TGIF2: variants seen among roughly 807,000 people sequenced by gnomAD.
The protein encoded by TGIF2 is TGFB induced factor homeobox 2.
A neutral mutation model predicts 15.1 loss-of-function variants in TGIF2; 5 were observed. The ratio of observed to expected loss-of-function variants is 0.33; its 90% CI spans 0.17 to 0.70. The LOEUF (loss-of-function observed/expected upper bound fraction) is 0.70. Ranked by LOEUF, TGIF2 falls within the 30% of genes least tolerant of loss-of-function variation. The pLI, the probability that TGIF2 is intolerant of heterozygous loss-of-function variation, is 0.67. For synonymous variants in TGIF2, 131 were observed against 128.9 expected, an observed-to-expected ratio of 1.02 and a Z score of -0.11; for missense variants, 264 against 302.5, an observed-to-expected ratio of 0.87 and a Z score of 0.94.
At chr20:36,577,524 GT>G (rs573112103) in intron 1 of TGIF2, among the ~76,000 whole-genome samples, 83 of 132,470 alleles carry the variant, frequency 6.3e-4, no homozygotes, top group South Asian at 2.7e-3. Context: ...GTTTGTTTTT[GT>G]TTTTTTTTTT....
At position 36,578,794 on chromosome 20, in the gene TGIF2, G is replaced by A. The variant is rs1285317539; in HGVS notation, c.20G>A (p.Gly7Asp). Reference protein sequence around the residue: MSDSDLGEDEGLLSLAG... With the variant: MSDSDLDEDEGLLSLAG... ...GGCACCATGTCGGACAGTGATCTAG[G>A]TGAGGACGAAGGCCTCCTCTCCCTG... is the stretch of plus-strand genomic sequence containing the variant. Residue 7 changes from glycine to aspartate, a missense_variant, in exon 2 of 3, where the codon GGT (glycine) becomes GAT (aspartate). By Grantham distance (94) the Gly-to-Asp change is moderately conservative. Transcript: ENST00000373872. The A allele has an allele frequency of 6.2e-7, 1 of 1,613,380 alleles. No homozygotes were observed. The highest frequency in any genetic ancestry group is 2.2e-5 in the East Asian group (1 of 44,886).
intron 2 of TGIF2, among the ~76,000 whole-genome samples, chr20:36,586,199 G>GT (rs1409315919): frequency 1.3e-5 from 2 of 152,200 alleles, no homozygotes; most frequent in Non-Finnish European, 2.9e-5. Flanking sequence ...CTGTGTGTAT[G>GT]TTTTTTGAAC....
intron 2 of TGIF2, among the ~76,000 whole-genome samples, chr20:36,586,031 C>T (rs942291249): frequency 2.0e-5 from 3 of 152,152 alleles, no homozygotes; most frequent in Admixed American, 6.6e-5. Flanking sequence ...GAACCTGGTG[C>T]AGAGGCTGTA....
At position 36,593,475 on chromosome 20, in the gene TGIF2, T is replaced by C. The variant is rs2038801264; in HGVS notation, c.*2044T>C. 1 of 152,524 alleles carries C rather than the reference T, an allele frequency of 6.6e-6. No individual in the cohort carries two copies. The highest frequency in any genetic ancestry group is 2.1e-4 in the South Asian group (1 of 4,834). 9.4% of individuals were successfully genotyped at this position (152,524 alleles called of 1,614,324 possible). ...CTGGGCTCTCTGTGTTGCCTCCCTC[T>C]GGCTTCTTCCTCCCGTGCCCTCTCC... On this transcript the variant is annotated 3_prime_UTR_variant, in exon 3 of 3. Coordinates refer to ENST00000373872, the MANE Select transcript of TGIF2 (RefSeq NM_021809.7).
rs553419308 is a variant in TGIF2 at position 36,582,433 on chromosome 20, A to G, written c.192+3467A>G. Among the ~76,000 whole-genome samples the G allele has an allele frequency of 8.7e-4, 132 of 152,254 alleles. 1 individual carries two copies. The highest frequency in any genetic ancestry group is 3.0e-3 in the African/African-American group (123 of 41,542). On this transcript the variant is annotated intron_variant, in intron 2 of 2. Transcript: ENST00000373872. ...GTTTCCAAAGTAGATAAATGTAAAA[A>G]CCGTGACATTCCACCTGACTGTGTT...
rs780482879 is a variant in TGIF2 at position 36,591,506 on chromosome 20, G to A, written c.*75G>A. ...CCGTTTTGGTTCCCTTTCATACAGA[G>A]GGTTTTCTATGGATCACTGCCAAAC... On this transcript the variant is annotated 3_prime_UTR_variant, in exon 3 of 3. Coordinates refer to ENST00000373872, the MANE Select transcript of TGIF2 (RefSeq NM_021809.7). This position sits in a 1 kb window ranked among gnomAD's most constrained non-coding sequence, Gnocchi z 5.3. 1 of 1,472,154 alleles carries A rather than the reference G, an allele frequency of 6.8e-7. No individual in the cohort carries two copies. The highest frequency in any genetic ancestry group is 1.4e-5 in the African/African-American group (1 of 70,688). 91.2% of individuals were successfully genotyped at this position (1,472,154 alleles called of 1,614,324 possible).
intron 2 of TGIF2, among the ~76,000 whole-genome samples, chr20:36,585,745 C>T (rs567633290): frequency 2.0e-5 from 3 of 152,246 alleles, no homozygotes; most frequent in South Asian, 2.1e-4. Flanking sequence ...CAGGTCCCTT[C>T]GACATCCTCT....
rs557230375 is a variant in TGIF2 at position 36,589,524 on chromosome 20, C to G, written c.193-1386C>G. ...TCTCCTGCCTCAGCCCCCCAAGTAG[C>G]TGGGACTACAGGCGCGTGCCACCAC... On this transcript the variant is annotated intron_variant, in intron 2 of 2. Transcript: ENST00000373872. Among the ~76,000 whole-genome samples, 375 of 151,662 alleles carry G rather than the reference C, an allele frequency of 2.5e-3. 1 individual carries two copies. Among genetic ancestry groups the G allele is most frequent in the African/African-American group, 8.7e-3 (359 of 41,290 alleles).
chr20:36,578,843 G>C lies in TGIF2; in HGVS notation c.69G>C (p.Gly23=). The C allele has an allele frequency of 6.2e-7, 1 of 1,614,194 alleles. No homozygotes were observed. The highest frequency in any genetic ancestry group is 8.5e-7 in the Non-Finnish European group (1 of 1,180,028). The change falls in exon 2 of 3, where the codon GGG becomes GGC. Residue 23 remains glycine (G), a synonymous_variant. Coordinates refer to ENST00000373872, the MANE Select transcript of TGIF2 (RefSeq NM_021809.7). ...TGGCGGGCAAAAGGAAGCGCAGGGG[G>C]AACCTGCCCAAGGAGTCGGTGAAGA... ...LSLAGKRKRR[G]NLPKESVKIL... is the part of the protein sequence containing the mutation.
chr20:36,591,199 G>A lies in TGIF2; in HGVS notation c.482G>A (p.Gly161Asp), dbSNP rs1569533016. The A allele has an allele frequency of 6.2e-7, 1 of 1,614,188 alleles. No homozygotes were observed. The highest frequency in any genetic ancestry group is 1.6e-4 in the Middle Eastern group (1 of 6,062). The change falls in exon 3 of 3, where the codon GGT becomes GAT. Residue 161 changes from glycine (G) to aspartate (D), a missense_variant. By Grantham distance (94) the Gly-to-Asp change is moderately conservative. Transcript: ENST00000373872. The surrounding 1 kb of genome is among the most constrained non-coding windows in gnomAD (Gnocchi z 5.3). ...LESPKPLVTP[G>D]STLTLLTRAE... is the part of the protein sequence containing the mutation. ...TCTCCCAAGCCCCTGGTGACCCCTGGTAGCACACTTACTCTGCTGACCAGG... is the reference window on the plus strand; with the variant it reads ...TCTCCCAAGCCCCTGGTGACCCCTGATAGCACACTTACTCTGCTGACCAGG...
chr20:36,574,277 C>T (rs1342557434), intron 1 of TGIF2, among the ~76,000 whole-genome samples: 1 of 152,008 alleles, frequency 6.6e-6, no homozygotes, highest in Admixed American at 6.5e-5. Flanking sequence ...ATCTGTCACT[C>T]CCAGGCTGGC....
intron 2 of TGIF2, among the ~76,000 whole-genome samples, chr20:36,585,095 G>C (rs970214984): frequency 6.6e-6 from 1 of 152,084 alleles, no homozygotes. Context: ...TACTCAGGAG[G>C]CTGAGGCAGG....
Position 36,591,541 on chromosome 20 carries a change from A to G in TGIF2, c.*110A>G, listed in dbSNP as rs777386071. ...TGGATCACTGCCAAACATTGGGATC[A>G]TCTCCTCTGTCCAGAGGTCTTCAAC... On this transcript the variant is annotated 3_prime_UTR_variant, in exon 3 of 3. Coordinates refer to ENST00000373872, the MANE Select transcript of TGIF2 (RefSeq NM_021809.7). The surrounding 1 kb of genome is among the most constrained non-coding windows in gnomAD (Gnocchi z 5.3). 64 of 1,255,564 alleles carry G rather than the reference A, an allele frequency of 5.1e-5. No individual in the cohort carries two copies. Among genetic ancestry groups the G allele is most frequent in the Admixed American group, 6.8e-5 (3 of 43,804 alleles). 77.8% of individuals were successfully genotyped at this position (1,255,564 alleles called of 1,614,324 possible).
chr20:36,584,607 C>T (rs1438474273), intron 2 of TGIF2, among the ~76,000 whole-genome samples: 1 of 150,574 alleles, frequency 6.6e-6, no homozygotes, highest in Non-Finnish European at 1.5e-5. Flanking sequence ...AGTGCAGTGG[C>T]GCAATCTCAG....
chr20:36,578,084 G>C (rs2038468642), intron 1 of TGIF2, among the ~76,000 whole-genome samples: 1 of 152,080 alleles, frequency 6.6e-6, no homozygotes. Context: ...TCCCTTATTG[G>C]GGAATTGTAA....
rs1314986536 is a variant in TGIF2, at chr20:36,593,586, T to TG, written c.*2156dup. 6.5e-6 allele frequency: 1 copy of TG among 152,770 alleles called. No homozygotes were observed. Among genetic ancestry groups the TG allele is most frequent in the South Asian group, 2.1e-4 (1 of 4,832 alleles). 9.5% of individuals were successfully genotyped at this position (152,770 alleles called of 1,614,324 possible). A position where few individuals can be genotyped will look rare whatever the true frequency, so the allele number is the denominator to read the frequency against. ...ACATGGCTTCATCCAGGTTAACTGA[T>TG]GCTGCCATTTGCCCAGCCTCTTCCA... is the stretch of plus-strand genomic sequence containing the variant. On this transcript the variant is annotated 3_prime_UTR_variant, in exon 3 of 3. Coordinates refer to ENST00000373872, the MANE Select transcript of TGIF2 (RefSeq NM_021809.7).
At chr20:36,583,565 T>C (rs549274176) in intron 2 of TGIF2, among the ~76,000 whole-genome samples, 2 of 150,214 alleles carry the variant, frequency 1.3e-5, no homozygotes, top group Non-Finnish European at 1.5e-5. Context: ...GTTGGAGACC[T>C]ACCTGGCCAA....
intron 2 of TGIF2, among the ~76,000 whole-genome samples, chr20:36,582,220 G>A (rs2038560683): frequency 1.3e-5 from 2 of 152,022 alleles, no homozygotes; most frequent in African/African-American, 4.8e-5. Flanking sequence ...TGGGCCACAA[G>A]AGCGAAACTC....
chr20:36,588,508 A>G (rs1006384252), intron 2 of TGIF2, among the ~76,000 whole-genome samples: 6 of 151,916 alleles, frequency 3.9e-5, no homozygotes, highest in East Asian at 3.9e-4. Context: ...CTACAGGCAC[A>G]TGCCACCACA....
Sources: allele counts gnomAD v4.1 joint callset (sites outside exome capture counted in the v4.1 genomes callset), GRCh38; gene constraint gnomAD v4.1.1; non-coding constraint Gnocchi (gnomAD v3.1); transcripts MANE v1.5; gene names NCBI Gene and HGNC (gene_info 2026-07-23, HGNC 2026-07-21).